PDPK1: variants seen among roughly 807,000 people sequenced by gnomAD.
PDPK1 encodes 3-phosphoinositide-dependent protein kinase 1.
PDPK1 carries 7 observed loss-of-function variants against 39.8 expected under a neutral mutation model. The ratio of observed to expected loss-of-function variants is 0.18; its 90% CI spans 0.10 to 0.33. PDPK1 has a LOEUF of 0.33. Among genes scored for constraint, PDPK1 ranks in the 10% least tolerant of loss-of-function variants. The pLI is 1.00. For synonymous variants in PDPK1, 118 were observed against 159.1 expected (o/e 0.74, Z 1.95); for missense variants, 182 against 384.7 (o/e 0.47, Z 4.41).
At chr16:2,584,759 C>G (rs530819035) in intron 10 of PDPK1, among the ~76,000 whole-genome samples, 12 of 152,112 alleles carry the variant, frequency 7.9e-5, no homozygotes, top group African/African-American at 2.4e-4. Flanking sequence ...TGTAACGCCC[C>G]TCATCCTCCC....
At chr16:2,540,569 A>G (rs1373766829) in intron 1 of PDPK1, among the ~76,000 whole-genome samples, 1 of 152,192 alleles carries the variant, frequency 6.6e-6, no homozygotes, top group Non-Finnish European at 1.5e-5. Context: ...GCCACTGCCC[A>G]GGATGTCTTC....
chr16:2,544,769 A>T (rs1597018526), intron 1 of PDPK1, among the ~76,000 whole-genome samples: 2 of 151,886 alleles, frequency 1.3e-5, no homozygotes, highest in South Asian at 4.2e-4. Context: ...TATTTTTAGT[A>T]GAGACGGGGT....
intron 11 of PDPK1, 144 bp from the exon 12 acceptor site, chr16:2,595,649 C>T (rs2067086170): frequency 1.5e-6 from 1 of 684,818 alleles, no homozygotes; most frequent in Non-Finnish European, 2.7e-6. Flanking sequence ...TTACATGTGG[C>T]GAACGTTCTC....
intron 11 of PDPK1, among the ~76,000 whole-genome samples, chr16:2,587,876 AT>A (rs1259827257): frequency 6.6e-6 from 1 of 152,018 alleles, no homozygotes; most frequent in Non-Finnish European, 1.5e-5. Context: ...TCCTGTCCCT[AT>A]TTATATTTTA....
chr16:2,597,799 C>T lies in PDPK1; in HGVS notation c.*32C>T, dbSNP rs758548197. Reference sequence around the variant, plus strand: ...CTGCGGCCGGGCTGCCCTTCGCTGCCAGGACACCTGCCCCAGCGCGGCTTG... The same window carrying T: ...CTGCGGCCGGGCTGCCCTTCGCTGCTAGGACACCTGCCCCAGCGCGGCTTG... On this transcript the variant is annotated 3_prime_UTR_variant, in exon 14 of 14. Coordinates refer to ENST00000342085, the MANE Select transcript of PDPK1 (RefSeq NM_002613.5). This position sits in a 1 kb window ranked among gnomAD's most constrained non-coding sequence, Gnocchi z 6.3. 6 of 1,457,920 alleles carry T rather than the reference C, an allele frequency of 4.1e-6. No individual in the cohort carries two copies. The highest frequency in any genetic ancestry group is 4.8e-6 in the Non-Finnish European group (5 of 1,041,518). The allele number at this position is 1,457,920 out of a possible 1,614,324, so 90.3% of individuals were successfully genotyped here.
intron 11 of PDPK1, among the ~76,000 whole-genome samples, chr16:2,587,282 T>C (rs7201584): frequency 0.25 from 38,741 of 152,098 alleles, 7,013 homozygotes; most frequent in African/African-American, 0.51. Flanking sequence ...CCAGGGGCAG[T>C]GTGTGATGGA....
Position 2,602,598 on chromosome 16 carries a change from TGTAA to T in PDPK1, c.*4838_*4841del, listed in dbSNP as rs3030674. On this transcript the variant is annotated 3_prime_UTR_variant, in exon 14 of 14. Coordinates refer to ENST00000342085, the MANE Select transcript of PDPK1 (RefSeq NM_002613.5). The stretch of plus-strand genomic sequence containing the variant: ...TGCTGGTAAAAGCCTCTATTACGAC[TGTAA>T]GTAAGTTGGATGTTGGCAAAATTAA... 0.017 allele frequency: 4,091 copies of T among 234,796 alleles called. 157 individuals are homozygous for T. The highest frequency in any genetic ancestry group is 0.08 in the African/African-American group (3,635 of 45,370). 14.5% of individuals were successfully genotyped at this position (234,796 alleles called of 1,614,324 possible).
chr16:2,539,048 T>A (rs2066193147), intron 1 of PDPK1: 1 of 219,456 alleles, frequency 4.6e-6, no homozygotes, highest in Non-Finnish European at 9.3e-6. Context: ...CCCAAGAAAT[T>A]TAATTGATCC....
At position 2,602,640 on chromosome 16, in the gene PDPK1, T is replaced by C. The variant is rs2067240943; in HGVS notation, c.*4873T>C. ...TTGGCAAAATTAAATTGTTACAGTATTTAGAGCTGCTGTAGCTGTTCCTTC... is the reference window on the plus strand; with the variant it reads ...TTGGCAAAATTAAATTGTTACAGTACTTAGAGCTGCTGTAGCTGTTCCTTC... On this transcript the variant is annotated 3_prime_UTR_variant, in exon 14 of 14. Transcript: ENST00000342085. 1 of 234,712 alleles carries C rather than the reference T, an allele frequency of 4.3e-6. No homozygotes were observed. The highest frequency in any genetic ancestry group is 8.5e-6 in the Non-Finnish European group (1 of 118,072). The allele number at this position is 234,712 out of a possible 1,614,324, so 14.5% of individuals were successfully genotyped here.
chr16:2,577,643 G>T (rs944170069), intron 7 of PDPK1, 143 bp downstream of exon 7: 3 of 634,756 alleles, frequency 4.7e-6, no homozygotes, highest in African/African-American at 2.0e-5. Context: ...ATTTTCCGTG[G>T]CGTACACACA....
rs535278860 is a variant in PDPK1, at chr16:2,599,616, C to T, written c.*1849C>T. On this transcript the variant is annotated 3_prime_UTR_variant, in exon 14 of 14. Transcript: ENST00000342085. ...GTTGCCCTGGGCCTGTGGCCGGAGTCGGAGTCCTCTCTCCTCCTCCTGGCT... is the reference window on the plus strand; with the variant it reads ...GTTGCCCTGGGCCTGTGGCCGGAGTTGGAGTCCTCTCTCCTCCTCCTGGCT... 48 of 232,952 alleles carry T rather than the reference C, an allele frequency of 2.1e-4. 1 individual carries two copies. In the East Asian group the frequency reaches 2.7e-3, roughly 13 times the overall value. The allele number at this position is 232,952 out of a possible 1,614,324, so 14.4% of individuals were successfully genotyped here.
At position 2,593,462 on chromosome 16, in the gene PDPK1, C is replaced by T. The variant is rs539013282; in HGVS notation, c.1344-2331C>T. ...CAGCTCAGTGCTGGGCTGCTGTTCT[C>T]GCTCTCAGCCAGGAAGGCGGCCCCT... On this transcript the variant is annotated intron_variant, in intron 11 of 13. Transcript: ENST00000342085. The surrounding 1 kb of genome is among the most constrained non-coding windows in gnomAD (Gnocchi z 4.2). 1.7e-5 allele frequency: 4 copies of T among 229,342 alleles called. No individual in the cohort carries two copies. The highest frequency in any genetic ancestry group is 7.1e-5 in the African/African-American group (3 of 42,352). 14.2% of individuals were successfully genotyped at this position (229,342 alleles called of 1,614,324 possible). A position where few individuals can be genotyped will look rare whatever the true frequency, so the allele number is the denominator to read the frequency against.
rs2067206269 is a variant in PDPK1 at position 2,601,097 on chromosome 16, C to A, written c.*3330C>A. On this transcript the variant is annotated 3_prime_UTR_variant, in exon 14 of 14. Transcript: ENST00000342085. ...ATGCTGTGATGAATATCTTTAAAAT[C>A]TTCTGATTTCTTACTTTTTTCCCCC... The A allele has an allele frequency of 4.3e-6, 1 of 232,888 alleles. No individual in the cohort carries two copies. Among genetic ancestry groups the A allele is most frequent in the African/African-American group, 2.2e-5 (1 of 45,328 alleles). The allele number at this position is 232,888 out of a possible 1,614,324, so 14.4% of individuals were successfully genotyped here. A position where few individuals can be genotyped will look rare whatever the true frequency, so the allele number is the denominator to read the frequency against.
intron 2 of PDPK1, among the ~76,000 whole-genome samples, chr16:2,560,988 G>A (rs2066598053): frequency 1.3e-5 from 2 of 151,466 alleles, no homozygotes; most frequent in Admixed American, 6.6e-5. Flanking sequence ...GTCCTTTACA[G>A]CCAGGCTCTC....
At position 2,538,221 on chromosome 16, in the gene PDPK1, C is replaced by G. The variant is rs949470910; in HGVS notation, c.24+85C>G. The stretch of plus-strand genomic sequence containing the variant: ...GCCCGGGTCCGGCGAGGCGGGGCGG[C>G]CCGGGGTCCCGAGGGCCGGGTGCCT... On this transcript the variant is annotated intron_variant, in intron 1 of 13. Transcript: ENST00000342085. The G allele has an allele frequency of 3.4e-5, 25 of 732,068 alleles. No individual in the cohort carries two copies. The African/African-American group carries it at 4.4e-4, about 13-fold the overall frequency. 45.3% of individuals were successfully genotyped at this position (732,068 alleles called of 1,614,324 possible).
At chr16:2,588,330 G>T (rs1047120467) in intron 11 of PDPK1, among the ~76,000 whole-genome samples, 2 of 152,200 alleles carry the variant, frequency 1.3e-5, no homozygotes, top group African/African-American at 4.8e-5. Flanking sequence ...GTGCTGCGCA[G>T]CTCCAAGCAG....
chr16:2,589,824 C>T (rs1050272491), intron 11 of PDPK1, among the ~76,000 whole-genome samples: 2 of 151,988 alleles, frequency 1.3e-5, no homozygotes, highest in Non-Finnish European at 2.9e-5. Context: ...AACAGCTTTT[C>T]AGACAATAAA....
chr16:2,600,256 A>G lies in PDPK1; in HGVS notation c.*2489A>G, dbSNP rs1251562706. 8.6e-6 allele frequency: 2 copies of G among 233,380 alleles called. No individual in the cohort carries two copies. The highest frequency in any genetic ancestry group is 1.7e-5 in the Non-Finnish European group (2 of 118,192). 14.5% of individuals were successfully genotyped at this position (233,380 alleles called of 1,614,324 possible). ...TACAGTTGTGGGTTTATCCAAGATG[A>G]GGAAGATTTCACCTGCTGTTTAATA... On this transcript the variant is annotated 3_prime_UTR_variant, in exon 14 of 14. Transcript: ENST00000342085.
Position 2,597,574 on chromosome 16 carries a change from G to T in PDPK1, c.1555-77G>T. On this transcript the variant is annotated intron_variant, in intron 13 of 13. Transcript: ENST00000342085. This position sits in a 1 kb window ranked among gnomAD's most constrained non-coding sequence, Gnocchi z 6.3. The stretch of plus-strand genomic sequence containing the variant: ...CTTTCAGGACTCGGAATGGCTGGTC[G>T]CAGGCAGCTCACCAGGTTGGGGTGG... The T allele has an allele frequency of 9.6e-7, 1 of 1,044,522 alleles. No individual in the cohort carries two copies. The highest frequency in any genetic ancestry group is 1.5e-6 in the Non-Finnish European group (1 of 662,864). The allele number at this position is 1,044,522 out of a possible 1,614,324, so 64.7% of individuals were successfully genotyped here. A position where few individuals can be genotyped will look rare whatever the true frequency, so the allele number is the denominator to read the frequency against.
Sources: allele counts gnomAD v4.1 joint callset (sites outside exome capture counted in the v4.1 genomes callset), GRCh38; gene constraint gnomAD v4.1.1; non-coding constraint Gnocchi (gnomAD v3.1); transcripts MANE v1.5; gene names NCBI Gene and HGNC (gene_info 2026-07-23, HGNC 2026-07-21).